Variants in ARHGAP23 observed in about 807,000 individuals in gnomAD.
The protein encoded by ARHGAP23 is rho GTPase-activating protein 23.
A neutral mutation model predicts 136.3 loss-of-function variants in ARHGAP23; 34 were observed. The observed-to-expected ratio is 0.25, with a 90% CI of 0.19 to 0.33. The LOEUF is 0.33. Ranked by LOEUF, ARHGAP23 falls within the 10% of genes least tolerant of loss-of-function variation. The pLI is 1.00. For synonymous variants in ARHGAP23, 832 were observed against 920.5 expected, an observed-to-expected ratio of 0.90 and a Z score of 1.74; for missense variants, 1,808 against 2,139.0, an observed-to-expected ratio of 0.85 and a Z score of 3.05.
At chr17:38,426,913 C>T (rs1008148072), upstream of ARHGAP23, among the ~76,000 whole-genome samples, 3 of 152,108 alleles carry the variant, frequency 2.0e-5, no homozygotes, top group African/African-American at 4.8e-5. Flanking sequence ...TGGGGCTGCT[C>T]GGCTCTCAGG....
intron 8 of ARHGAP23, 107 bp downstream of exon 8, chr17:38,469,406 C>A (rs2039690059): frequency 1.4e-6 from 2 of 1,467,468 alleles, no homozygotes; most frequent in African/African-American, 1.4e-5. Flanking sequence ...CTGGTTTCCG[C>A]TTCTCCTGCG....
intron 1 of ARHGAP23, among the ~76,000 whole-genome samples, chr17:38,429,197 T>A (rs1018073644): frequency 6.6e-6 from 1 of 152,020 alleles, no homozygotes; most frequent in African/African-American, 2.4e-5. Context: ...CGGCTGTGGG[T>A]GGGTCAGAGC....
rs1303096056 is a variant in ARHGAP23 at position 38,511,020 on chromosome 17, T to G, written c.*48T>G. ...GGCGCCACCCCTCCCTAGAGCCCCT[T>G]TGGAACCAGGAGGCTTCACCAGCCT... On this transcript the variant is annotated 3_prime_UTR_variant, in exon 24 of 24. Coordinates refer to ENST00000622683, the MANE Select transcript of ARHGAP23 (RefSeq NM_001199417.2). 7.2e-7 allele frequency: 1 copy of G among 1,383,482 alleles called. No homozygotes were observed. The highest frequency in any genetic ancestry group is 9.3e-7 in the Non-Finnish European group (1 of 1,078,820). 85.7% of individuals were successfully genotyped at this position (1,383,482 alleles called of 1,614,324 possible).
intron 12 of ARHGAP23, among the ~76,000 whole-genome samples, chr17:38,478,651 C>G (rs920581110): frequency 1.2e-4 from 19 of 152,086 alleles, no homozygotes; most frequent in African/African-American, 4.6e-4. Flanking sequence ...CCTCGTGATC[C>G]TCCCGCCTCA....
chr17:38,507,192 T>C (rs2040652655), intron 23 of ARHGAP23, among the ~76,000 whole-genome samples: 2 of 151,742 alleles, frequency 1.3e-5, no homozygotes, highest in Non-Finnish European at 1.5e-5. Flanking sequence ...GAGAATTGCT[T>C]GAACCCGGGA....
chr17:38,474,757 T>TGG (rs34825522), intron 11 of ARHGAP23, among the ~76,000 whole-genome samples: 25 of 151,532 alleles, frequency 1.6e-4, no homozygotes, highest in Non-Finnish European at 2.4e-4. Flanking sequence ...TTGAGAGAAG[T>TGG]GGGGGGGCCG....
chr17:38,478,571 T>C (rs1008682402), intron 12 of ARHGAP23, among the ~76,000 whole-genome samples: 19 of 152,072 alleles, frequency 1.2e-4, no homozygotes, highest in African/African-American at 4.6e-4. Context: ...CATGCCACCA[T>C]GCCCGGCTAA....
At chr17:38,487,735 G>A (rs1567818377) in intron 17 of ARHGAP23, among the ~76,000 whole-genome samples, 2 of 151,756 alleles carry the variant, frequency 1.3e-5, no homozygotes, top group Admixed American at 1.3e-4. Flanking sequence ...GTGGTGGCGG[G>A]TGCCTGTAGT....
chr17:38,506,656 C>A (rs59049664), intron 23 of ARHGAP23, among the ~76,000 whole-genome samples: 65,953 of 152,050 alleles, frequency 0.43, 15,252 homozygotes, highest in South Asian at 0.54. Flanking sequence ...AAAGAGAGCG[C>A]AAGAGAGCCC....
intron 19 of ARHGAP23, 87 bp downstream of exon 19, chr17:38,490,638 G>A (rs2040256789): frequency 2.7e-6 from 3 of 1,120,186 alleles, no homozygotes; most frequent in Admixed American, 4.0e-5. Flanking sequence ...GCTCCAGCAG[G>A]TCCAGTAACT....
chr17:38,433,286 C>G lies in ARHGAP23; in HGVS notation c.63+4738C>G, dbSNP rs891537669. On this transcript the variant is annotated intron_variant, in intron 1 of 23. Coordinates refer to ENST00000622683, the MANE Select transcript of ARHGAP23 (RefSeq NM_001199417.2). Reference sequence around the variant, plus strand: ...GGTTTTCTTATCCCTGAAATAATCCCTCAAAATTACAGAGAGGGCTAAATG... The same window carrying G: ...GGTTTTCTTATCCCTGAAATAATCCGTCAAAATTACAGAGAGGGCTAAATG... Among the ~76,000 whole-genome samples the G allele has an allele frequency of 3.9e-5, 6 of 152,152 alleles. No individual in the cohort carries two copies. The South Asian group carries it at 6.2e-4, about 16-fold the overall frequency.
intron 12 of ARHGAP23, among the ~76,000 whole-genome samples, chr17:38,478,601 G>A (rs2039956958): frequency 6.6e-6 from 1 of 151,944 alleles, no homozygotes; most frequent in South Asian, 2.1e-4. Context: ...AGTAGAGATG[G>A]GGTTTCACTG....
At chr17:38,472,066 T>A in intron 11 of ARHGAP23, 60 bp downstream of exon 11, 1 of 1,404,990 alleles carries the variant, frequency 7.1e-7, no homozygotes, top group Non-Finnish European at 9.7e-7. Flanking sequence ...CAGCCTCTCC[T>A]AGGCCTACCC....
upstream of ARHGAP23, among the ~76,000 whole-genome samples, chr17:38,423,871 C>G (rs1357999608): frequency 6.6e-6 from 1 of 152,016 alleles, no homozygotes; most frequent in Non-Finnish European, 1.5e-5. Flanking sequence ...GTGGAAGGGC[C>G]TGAGCTGGGG....
At chr17:38,509,645 G>A (rs1392311073) in intron 23 of ARHGAP23, among the ~76,000 whole-genome samples, 1 of 152,202 alleles carries the variant, frequency 6.6e-6, no homozygotes, top group Non-Finnish European at 1.5e-5. Context: ...CACCAGAGCC[G>A]TGTCTAAAGG....
chr17:38,437,946 G>A (rs559198719), intron 1 of ARHGAP23, among the ~76,000 whole-genome samples: 2 of 152,278 alleles, frequency 1.3e-5, no homozygotes, highest in East Asian at 3.9e-4. Context: ...ACATGGCTGA[G>A]CCCCTGCCTC....
rs11867891 is a variant in ARHGAP23, at chr17:38,482,147, A to G, written c.2751+4A>G. 0.32 allele frequency: 492,069 copies of G among 1,546,822 alleles called. 80,373 individuals carry two copies. Among genetic ancestry groups the G allele is most frequent in the Non-Finnish European group, 0.33 (383,460 of 1,145,688 alleles). The stretch of plus-strand genomic sequence containing the variant: ...CCAGCCAGCCACGGAGAACCAGGTG[A>G]GTCTCTGCCACACGCCAGAGCAGGC... On this transcript the variant is annotated splice_donor_region_variant and intron_variant, in intron 15 of 23. Transcript: ENST00000622683.
In ARHGAP23 at chr17:38,511,433, A is replaced by T. The variant is rs1447108399; in HGVS notation, c.*461A>T. On this transcript the variant is annotated 3_prime_UTR_variant, in exon 24 of 24. Coordinates refer to ENST00000622683, the MANE Select transcript of ARHGAP23 (RefSeq NM_001199417.2). ...GGATGTGTGTATGTCTGGGGAGAGG[A>T]GGTGTAGGGTGCGTATGTCCATGGG... The T allele has an allele frequency of 1.9e-5, 3 of 158,142 alleles. No homozygotes were observed. Among genetic ancestry groups the T allele is most frequent in the Non-Finnish European group, 2.7e-5 (2 of 72,880 alleles). The allele number at this position is 158,142 out of a possible 1,614,324, so 9.8% of individuals were successfully genotyped here. A position where few individuals can be genotyped will look rare whatever the true frequency, so the allele number is the denominator to read the frequency against.
chr17:38,504,099 C>T (rs1461259292), intron 23 of ARHGAP23, among the ~76,000 whole-genome samples: 2 of 152,154 alleles, frequency 1.3e-5, no homozygotes, highest in African/African-American at 4.8e-5. Flanking sequence ...TAGGTGGCCT[C>T]CTTCCTTGGT....
Sources: gnomAD v4.1 joint callset for allele counts (sites outside exome capture counted in the v4.1 genomes callset) on GRCh38, gnomAD v4.1.1 for gene constraint, MANE v1.5 for transcripts, NCBI Gene and HGNC (gene_info 2026-07-23, HGNC 2026-07-21) for gene names.